Variants in ZNF398 observed in about 807,000 individuals in gnomAD.
The protein encoded by ZNF398 is zinc finger DNA binding protein ZER6.
A neutral mutation model predicts 41.9 loss-of-function variants in ZNF398; 18 were observed. The observed-to-expected ratio is 0.43, with a 90% CI of 0.30 to 0.64. The LOEUF (loss-of-function observed/expected upper bound fraction) is 0.64. Ranked by LOEUF, ZNF398 falls within the 30% of genes least tolerant of loss-of-function variation. ZNF398 has a pLI of 0.14. For synonymous variants in ZNF398, 260 were observed against 308.8 expected (o/e 0.84, Z 1.66); for missense variants, 669 against 822.8 (o/e 0.81, Z 2.29).
chr7:149,151,498 A>C (rs1038641796), intron 1 of ZNF398, among the ~76,000 whole-genome samples: 3 of 152,124 alleles, frequency 2.0e-5, no homozygotes, highest in Non-Finnish European at 4.4e-5. Flanking sequence ...TGTATACATC[A>C]TCCTAGTCCA....
chr7:149,164,108 T>C (rs995876532), intron 2 of ZNF398, among the ~76,000 whole-genome samples: 2 of 148,714 alleles, frequency 1.3e-5, no homozygotes, highest in African/African-American at 5.0e-5. Flanking sequence ...CAAGACTCCA[T>C]CTTAAAAAAA....
intron 2 of ZNF398, among the ~76,000 whole-genome samples, chr7:149,156,737 C>T (rs1416367020): frequency 7.0e-6 from 1 of 142,108 alleles, no homozygotes; most frequent in Admixed American, 7.1e-5. Context: ...GGCGCATACC[C>T]GTAATCCCAG....
Position 149,178,630 on chromosome 7 carries a change from T to C in ZNF398, c.776-18T>C. The C allele has an allele frequency of 6.2e-7, 1 of 1,606,230 alleles. No individual in the cohort carries two copies. The highest frequency in any genetic ancestry group is 8.5e-7 in the Non-Finnish European group (1 of 1,176,042). Reference sequence around the variant, plus strand: ...AGACAGTTATTGATGGGTATAACTCTGGAGTCTTTTCTTTCAGATGAAGAG... The same window carrying C: ...AGACAGTTATTGATGGGTATAACTCCGGAGTCTTTTCTTTCAGATGAAGAG... On this transcript the variant is annotated intron_variant, in intron 5 of 5. Transcript: ENST00000475153.
chr7:149,133,654 A>AATATATATATATATAT (rs146151029), intron 2 of ZNF398, among the ~76,000 whole-genome samples: 14 of 71,818 alleles, frequency 1.9e-4, no homozygotes, highest in Non-Finnish European at 2.2e-4. Context: ...GTGTTTTTTA[A>AATATATATATATATAT]ATATATATAT....
intron 2 of ZNF398, among the ~76,000 whole-genome samples, chr7:149,133,069 T>C (rs1826631018): frequency 6.6e-6 from 1 of 152,036 alleles, no homozygotes; most frequent in Admixed American, 6.6e-5. Context: ...ATCTTGGTTT[T>C]GGTAGGTTTT....
Position 149,155,727 on chromosome 7 carries a change from T to TA in ZNF398, c.420+1387_420+1388insA, listed in dbSNP as rs1395261209. The stretch of plus-strand genomic sequence containing the variant: ...TATATATTTTTTTTTTTTTTTTTTT[T>TA]TTAATTTTTTTTTTTTTGAGATGGA... On this transcript the variant is annotated intron_variant, in intron 2 of 5. Transcript: ENST00000475153. Among the ~76,000 whole-genome samples, 555 of 62,558 alleles carry TA rather than the reference T, an allele frequency of 8.9e-3. 12 individuals are homozygous for TA. The highest frequency in any genetic ancestry group is 0.027 in the African/African-American group (516 of 18,770). 41.0% of individuals were successfully genotyped at this position (62,558 alleles called of 152,430 possible).
chr7:149,168,141 C>CG (rs1563164166), intron 4 of ZNF398, among the ~76,000 whole-genome samples: 1 of 151,402 alleles, frequency 6.6e-6, no homozygotes, highest in Non-Finnish European at 1.5e-5. Context: ...TGCAGTGGTG[C>CG]GATCTTGGCT....
At chr7:149,154,852 G>A (rs939440805) in intron 2 of ZNF398, among the ~76,000 whole-genome samples, 1 of 151,948 alleles carries the variant, frequency 6.6e-6, no homozygotes, top group African/African-American at 2.4e-5. Flanking sequence ...AGCCGGGTGT[G>A]GTAGCACATG....
chr7:149,146,518 C>T (rs891237511), upstream of ZNF398, among the ~76,000 whole-genome samples: 9 of 152,172 alleles, frequency 5.9e-5, no homozygotes, highest in Non-Finnish European at 1.0e-4. Flanking sequence ...CACTTGCACT[C>T]CAGCCTGGAC....
At chr7:149,171,759 G>A (rs966063083) in intron 4 of ZNF398, among the ~76,000 whole-genome samples, 23 of 152,064 alleles carry the variant, frequency 1.5e-4, no homozygotes, top group African/African-American at 4.6e-4. Flanking sequence ...TGCAACCTCC[G>A]CCTCCCAGGT....
chr7:149,170,939 G>A (rs1469421804), intron 4 of ZNF398, among the ~76,000 whole-genome samples: 2 of 150,398 alleles, frequency 1.3e-5, no homozygotes, highest in Non-Finnish European at 3.0e-5. Context: ...AGCCTCCTGG[G>A]TTCAAGTGAT....
chr7:149,141,399 G>A (rs1263048833), intron 2 of ZNF398, among the ~76,000 whole-genome samples: 1 of 145,778 alleles, frequency 6.9e-6, no homozygotes, highest in Non-Finnish European at 1.5e-5. Context: ...GGGTTCAAGC[G>A]ATTCTTCCAT....
At chr7:149,166,416 T>C in intron 3 of ZNF398, 132 bp downstream of exon 3, 1 of 1,057,676 alleles carries the variant, frequency 9.5e-7, no homozygotes, top group South Asian at 1.5e-5. Context: ...CAAGCCAAAA[T>C]ATGACCAATT....
chr7:149,159,626 C>T (rs1458504889), intron 2 of ZNF398, among the ~76,000 whole-genome samples: 1 of 151,744 alleles, frequency 6.6e-6, no homozygotes, highest in Non-Finnish European at 1.5e-5. Flanking sequence ...CCAGCCTGGG[C>T]TACAAAGTGA....
chr7:149,164,571 G>A (rs1427248868), intron 2 of ZNF398, among the ~76,000 whole-genome samples: 4 of 152,128 alleles, frequency 2.6e-5, no homozygotes, highest in African/African-American at 9.7e-5. Context: ...GAACTGGATG[G>A]TTTACTGTCA....
chr7:149,165,656 T>A (rs185219234), intron 2 of ZNF398, among the ~76,000 whole-genome samples: 2 of 152,318 alleles, frequency 1.3e-5, no homozygotes, highest in Admixed American at 1.3e-4. Context: ...CTGTTTGCTC[T>A]CAGTCATCAG....
At chr7:149,136,562 T>G (rs1379335202) in intron 2 of ZNF398, among the ~76,000 whole-genome samples, 3 of 152,172 alleles carry the variant, frequency 2.0e-5, no homozygotes, top group Non-Finnish European at 4.4e-5. Flanking sequence ...CTATCTTCAT[T>G]TAAGTGCTTT....
At chr7:149,172,158 A>G (rs1467352351) in intron 4 of ZNF398, among the ~76,000 whole-genome samples, 1 of 152,220 alleles carries the variant, frequency 6.6e-6, no homozygotes, top group Non-Finnish European at 1.5e-5. Flanking sequence ...CATAGAGACT[A>G]CATACAGTAG....
chr7:149,131,456 G>A (rs1363580711), intron 2 of ZNF398, among the ~76,000 whole-genome samples: 1 of 152,180 alleles, frequency 6.6e-6, no homozygotes, highest in Non-Finnish European at 1.5e-5. Flanking sequence ...GGGAGGCAGA[G>A]GCTGATGGAT....
Sources: allele counts gnomAD v4.1 joint callset (sites outside exome capture counted in the v4.1 genomes callset), GRCh38; gene constraint gnomAD v4.1.1; transcripts MANE v1.5; gene names NCBI Gene and HGNC (gene_info 2026-07-23, HGNC 2026-07-21).